The following DYNC1I1 variants were observed in gnomAD, a reference collection of about 807,000 sequenced individuals.
DYNC1I1 encodes the protein dynein cytoplasmic 1 intermediate chain 1, also known as cytoplasmic dynein 1 intermediate chain 1.
A neutral mutation model predicts 86.6 loss-of-function variants in DYNC1I1; 43 were observed. The ratio of observed to expected loss-of-function variants is 0.50; its 90% CI spans 0.39 to 0.64. The LOEUF is 0.64. DYNC1I1 is among the 30% of genes least tolerant of loss of function. DYNC1I1 has a pLI of 0.00. For synonymous variants in DYNC1I1, 262 were observed against 283.7 expected (o/e 0.92, Z 0.77); for missense variants, 604 against 788.8 (o/e 0.77, Z 2.81).
chr7:95,783,375 A>C (rs1794046130), intron 1 of DYNC1I1, among the ~76,000 whole-genome samples: 1 of 152,224 alleles, frequency 6.6e-6, no homozygotes, highest in African/African-American at 2.4e-5. Context: ...TTTAGAACTT[A>C]TGGAATGCCA....
intron 14 of DYNC1I1, among the ~76,000 whole-genome samples, chr7:96,045,288 T>A (rs1009396925): frequency 3.3e-5 from 5 of 152,166 alleles, no homozygotes; most frequent in African/African-American, 1.2e-4. Context: ...GTGATTTTTT[T>A]AAAAAGTCAA....
At chr7:95,943,997 T>C (rs372668771) in intron 6 of DYNC1I1, among the ~76,000 whole-genome samples, 4,934 of 152,136 alleles carry the variant, frequency 0.032, 217 homozygotes, top group African/African-American at 0.098. Flanking sequence ...CCAAAAGCAA[T>C]GGCAACAAAA....
intron 7 of DYNC1I1, among the ~76,000 whole-genome samples, chr7:95,979,270 C>T (rs1257290539): frequency 1.3e-5 from 2 of 152,164 alleles, no homozygotes; most frequent in African/African-American, 4.8e-5. Context: ...GGGATAAAAT[C>T]TTGTCTCTGT....
chr7:96,073,743 T>C (rs571863408), intron 14 of DYNC1I1, among the ~76,000 whole-genome samples: 1 of 152,334 alleles, frequency 6.6e-6, no homozygotes, highest in African/African-American at 2.4e-5. Context: ...CTTTAACAAA[T>C]AGTGGGCTGG....
chr7:95,934,114 G>A (rs570803212), intron 6 of DYNC1I1, among the ~76,000 whole-genome samples: 1 of 152,094 alleles, frequency 6.6e-6, no homozygotes, highest in Non-Finnish European at 1.5e-5. Flanking sequence ...AAACTCTGCT[G>A]TTCAATTTCT....
At chr7:96,047,451 C>A (rs1005489988) in intron 14 of DYNC1I1, among the ~76,000 whole-genome samples, 4 of 152,056 alleles carry the variant, frequency 2.6e-5, no homozygotes, top group Non-Finnish European at 5.9e-5. Flanking sequence ...GGTGCTGAGG[C>A]GTGAGAACAG....
intron 12 of DYNC1I1, 133 bp downstream of exon 12, chr7:96,032,913 G>A (rs1584265187): frequency 3.0e-6 from 2 of 675,170 alleles, no homozygotes; most frequent in East Asian, 5.6e-5. Context: ...TGAAAGAGTG[G>A]GGCCTGCTTT....
intron 6 of DYNC1I1, among the ~76,000 whole-genome samples, chr7:95,879,564 G>A (rs1489381229): frequency 1.3e-5 from 2 of 152,082 alleles, no homozygotes; most frequent in Admixed American, 6.6e-5. Flanking sequence ...AGCTCTTGTG[G>A]CATAAAGCAA....
At chr7:95,939,963 T>A (rs1792157499) in intron 6 of DYNC1I1, among the ~76,000 whole-genome samples, 1 of 152,142 alleles carries the variant, frequency 6.6e-6, no homozygotes, top group African/African-American at 2.4e-5. Context: ...GTTTAGCGCT[T>A]CCTTCAGGAG....
At chr7:95,833,968 G>C (rs12537645) in intron 5 of DYNC1I1, among the ~76,000 whole-genome samples, 45,252 of 90,396 alleles carry the variant, frequency 0.5, 11,221 homozygotes, top group African/African-American at 0.63. Flanking sequence ...TTATTTCCTT[G>C]TCCTGCCTAA....
chr7:95,813,078 T>G, intron 3 of DYNC1I1, 169 bp from the exon 4 acceptor site: 13 of 1,402,230 alleles, frequency 9.3e-6, no homozygotes, highest in African/African-American at 1.5e-5. Flanking sequence ...CACTGGACTT[T>G]TTTCCTTTTC....
At chr7:95,932,914 T>A (rs1003844486) in intron 6 of DYNC1I1, among the ~76,000 whole-genome samples, 5 of 146,934 alleles carry the variant, frequency 3.4e-5, no homozygotes, top group Non-Finnish European at 7.4e-5. Flanking sequence ...AATGTCTCAC[T>A]CTATTGCCCA....
At chr7:95,866,068 G>A (rs1051885001) in intron 5 of DYNC1I1, among the ~76,000 whole-genome samples, 1 of 152,132 alleles carries the variant, frequency 6.6e-6, no homozygotes, top group African/African-American at 2.4e-5. Context: ...TAGAAGGCAC[G>A]GGAACTGCAG....
chr7:95,861,831 G>A (rs1789889193), intron 5 of DYNC1I1, among the ~76,000 whole-genome samples: 1 of 152,146 alleles, frequency 6.6e-6, no homozygotes, highest in South Asian at 2.1e-4. Flanking sequence ...AGGTGATGGG[G>A]TCTCTCCCCT....
chr7:95,862,387 G>T (rs1046514516), intron 5 of DYNC1I1, among the ~76,000 whole-genome samples: 4 of 150,792 alleles, frequency 2.7e-5, no homozygotes, highest in African/African-American at 9.8e-5. Flanking sequence ...TTTTAAAATG[G>T]ACAAAAATTC....
At chr7:95,968,597 ATC>A (rs1793078598) in intron 6 of DYNC1I1, among the ~76,000 whole-genome samples, 1 of 152,204 alleles carries the variant, frequency 6.6e-6, no homozygotes, top group Admixed American at 6.5e-5. Flanking sequence ...TGACATCTCT[ATC>A]TCTGTGACTC....
chr7:95,907,210 A>C (rs181885519), intron 6 of DYNC1I1, among the ~76,000 whole-genome samples: 20 of 152,226 alleles, frequency 1.3e-4, no homozygotes, highest in African/African-American at 4.8e-4. Context: ...CAGTGGAAAA[A>C]TATTTGGATA....
At chr7:95,982,377 T>C (rs1490353827) in intron 7 of DYNC1I1, among the ~76,000 whole-genome samples, 1 of 152,190 alleles carries the variant, frequency 6.6e-6, no homozygotes, top group Non-Finnish European at 1.5e-5. Flanking sequence ...GAGAGGCTAG[T>C]GCTCCACCTA....
chr7:95,987,156 G>T lies in DYNC1I1; in HGVS notation c.843+1G>T. On this transcript the variant is annotated splice_donor_variant, in intron 9 of 16. Transcript: ENST00000447467. LOFTEE classifies it high-confidence loss of function. The stretch of plus-strand genomic sequence containing the variant: ...CACTTGTATGGACTGGTCCCTCCAG[G>T]TAAGAATTATTGCTGGGCTGGGACA... The T allele has an allele frequency of 6.2e-7, 1 of 1,613,056 alleles. No individual in the cohort carries two copies.
Sources: gnomAD v4.1 joint callset for allele counts (sites outside exome capture counted in the v4.1 genomes callset) on GRCh38, gnomAD v4.1.1 for gene constraint, MANE v1.5 for transcripts, NCBI Gene and HGNC (gene_info 2026-07-23, HGNC 2026-07-21) for gene names.